Variants in SPRED1 observed in about 807,000 individuals in gnomAD.
SPRED1 encodes sprouty related EVH1 domain containing 1.
SPRED1 carries 18 observed loss-of-function variants against 52.3 expected under a neutral mutation model. That is an observed-to-expected ratio of 0.34 (90% CI 0.24 to 0.51). The LOEUF (loss-of-function observed/expected upper bound fraction) is 0.51, where lower values mean the gene tolerates loss of function less well. Among genes scored for constraint, SPRED1 ranks in the 20% least tolerant of loss-of-function variants. The probability of loss-of-function intolerance (pLI) is 0.97; values close to 1 mark genes in which losing one functional copy is unlikely to be tolerated. For missense variants in SPRED1, 485 were observed against 551.0 expected (o/e 0.88, Z 1.20); for synonymous variants, 155 against 179.7 (o/e 0.86, Z 1.10).
chr15:38,307,673 A>G (rs1000695181), intron 2 of SPRED1, among the ~76,000 whole-genome samples: 1 of 152,056 alleles, frequency 6.6e-6, no homozygotes, highest in Admixed American at 6.6e-5. Context: ...TTGTCTGTTG[A>G]TTGTTAGTTG....
chr15:38,322,172 T>G (rs1183241164), intron 2 of SPRED1, 69 bp from the exon 3 acceptor site: 3 of 1,457,200 alleles, frequency 2.1e-6, no homozygotes, highest in Non-Finnish European at 2.9e-6. Flanking sequence ...CACCTCAGTT[T>G]GTATTTATGA....
chr15:38,285,836 A>G (rs10852016), intron 1 of SPRED1, among the ~76,000 whole-genome samples: 125,600 of 152,188 alleles, frequency 0.83, 52,587 homozygotes, highest in Non-Finnish European at 0.9. Flanking sequence ...TTTAAACTCA[A>G]TTTCCAATAA....
rs1442783307 is a variant in SPRED1, at chr15:38,351,633, G to A, written c.1304G>A (p.Cys435Tyr). ...MCHRCGEACG[C>Y]CGGKHKAAG is the part of the protein sequence containing the mutation. ...CATCGCTGTGGTGAGGCATGTGGTT[G>A]CTGTGGTGGGAAACATAAAGCTGCT... Residue 435 changes from cysteine to tyrosine, a missense_variant, in exon 7 of 7, where the codon TGC becomes TAC. Physicochemically the swap from Cys to Tyr is radical, Grantham distance 194 (BLOSUM62 -2). This residue lies in a region of SPRED1 where 205 missense variants were observed against 245.2 expected (regional missense o/e 0.84). Coordinates refer to ENST00000299084, the MANE Select transcript of SPRED1 (RefSeq NM_152594.3). 24 of 1,613,588 alleles carry A rather than the reference G, an allele frequency of 1.5e-5. No individual in the cohort carries two copies. The South Asian group carries it at 2.3e-4, about 15-fold the overall frequency.
In SPRED1 at chr15:38,254,510, TA is replaced by T. The variant is rs942734769; in HGVS notation, c.32+1301del. Among the ~76,000 whole-genome samples the T allele has an allele frequency of 1.2e-4, 19 of 152,030 alleles. No homozygotes were observed. The East Asian group carries it at 1.7e-3, about 14-fold the overall frequency. On this transcript the variant is annotated intron_variant, in intron 1 of 6. Coordinates refer to ENST00000299084, the MANE Select transcript of SPRED1 (RefSeq NM_152594.3). Reference sequence around the variant, plus strand: ...ATTTGCATAGCACACTCTTCATTCATAAAAAAAATAATTAAACATCCATCAC... The same window carrying T: ...ATTTGCATAGCACACTCTTCATTCATAAAAAAATAATTAAACATCCATCAC...
intron 2 of SPRED1, among the ~76,000 whole-genome samples, chr15:38,313,612 C>T (rs1223371013): frequency 6.6e-6 from 1 of 151,174 alleles, no homozygotes. Flanking sequence ...TTATCCGTTA[C>T]ATTATATTAT....
Position 38,339,791 on chromosome 15 carries a change from G to A in SPRED1, c.478G>A (p.Glu160Lys). The change falls in exon 5 of 7, where the codon GAG becomes AAG. Residue 160 changes from glutamate to lysine, a missense_variant. Around this residue, in one of 5 missense-constraint regions of SPRED1, gnomAD observed 232 missense variants for 231.8 expected, o/e 1.00. Coordinates refer to ENST00000299084, the MANE Select transcript of SPRED1 (RefSeq NM_152594.3). Reference protein sequence around the residue: ...SLVKDHLFQQETVVTSEPYRS... With the variant: ...SLVKDHLFQQKTVVTSEPYRS... Reference sequence around the variant, plus strand: ...AGTGAAGGATCACCTTTTTCAGCAAGAGACAGTTGTTACCAGTGAGCCTTA... The same window carrying A: ...AGTGAAGGATCACCTTTTTCAGCAAAAGACAGTTGTTACCAGTGAGCCTTA... 1 of 1,613,962 alleles carries A rather than the reference G, an allele frequency of 6.2e-7. No homozygotes were observed. The highest frequency in any genetic ancestry group is 8.5e-7 in the Non-Finnish European group (1 of 1,179,924).
intron 1 of SPRED1, among the ~76,000 whole-genome samples, chr15:38,262,065 T>G (rs1259790134): frequency 2.0e-5 from 3 of 151,228 alleles, no homozygotes; most frequent in Non-Finnish European, 2.9e-5. Context: ...GTTCTGGGGT[T>G]TCCCCCCTTA....
At chr15:38,297,293 T>A (rs1340769265) in intron 1 of SPRED1, among the ~76,000 whole-genome samples, 1 of 152,214 alleles carries the variant, frequency 6.6e-6, no homozygotes, top group Non-Finnish European at 1.5e-5. Flanking sequence ...AGGTTTTTAA[T>A]AAAGAAGGAA....
chr15:38,299,870 T>G (rs1386146308), intron 2 of SPRED1, among the ~76,000 whole-genome samples: 1 of 152,186 alleles, frequency 6.6e-6, no homozygotes, highest in Admixed American at 6.5e-5. Flanking sequence ...ATTGGCAAAC[T>G]AATCCACAGG....
chr15:38,328,325 CATTA>C (rs1203363028), intron 4 of SPRED1, among the ~76,000 whole-genome samples: 2 of 152,174 alleles, frequency 1.3e-5, no homozygotes, highest in African/African-American at 2.4e-5. Flanking sequence ...TTTGGATGTT[CATTA>C]ATTAATTCAA....
At chr15:38,296,970 A>G (rs935331619) in intron 1 of SPRED1, among the ~76,000 whole-genome samples, 1 of 152,090 alleles carries the variant, frequency 6.6e-6, no homozygotes, top group Non-Finnish European at 1.5e-5. Context: ...ACCTTCTGCC[A>G]TGTAAGGACA....
chr15:38,293,529 G>A (rs1894967622), intron 1 of SPRED1, among the ~76,000 whole-genome samples: 1 of 152,110 alleles, frequency 6.6e-6, no homozygotes, highest in Admixed American at 6.6e-5. Context: ...ACAGATCTTC[G>A]TCTTTCTAAT....
intron 5 of SPRED1, among the ~76,000 whole-genome samples, chr15:38,347,423 T>C (rs201044106): frequency 6.0e-5 from 9 of 150,728 alleles, no homozygotes; most frequent in African/African-American, 2.2e-4. Flanking sequence ...ACTTAATATT[T>C]GTAGAGAAAG....
At chr15:38,321,117 CAAGTGTGTATTA>C (rs1480066042) in intron 2 of SPRED1, among the ~76,000 whole-genome samples, 2 of 152,088 alleles carry the variant, frequency 1.3e-5, no homozygotes, top group African/African-American at 4.8e-5. Flanking sequence ...GAAATATACT[CAAGTGTGTATTA>C]AAGAGCAGTA....
At chr15:38,274,670 G>A (rs1435688942) in intron 1 of SPRED1, among the ~76,000 whole-genome samples, 1 of 152,136 alleles carries the variant, frequency 6.6e-6, no homozygotes, top group African/African-American at 2.4e-5. Context: ...TTCCACTAAT[G>A]TCCTTTTTCC....
intron 1 of SPRED1, among the ~76,000 whole-genome samples, chr15:38,283,979 T>G (rs144318368): frequency 1.8e-3 from 278 of 152,320 alleles, no homozygotes; most frequent in Non-Finnish European, 3.1e-3. Flanking sequence ...TAGATAGTTT[T>G]CTTTGTCCAT....
chr15:38,356,489 A>G lies in SPRED1; in HGVS notation c.*4825A>G, dbSNP rs1358114370. The stretch of plus-strand genomic sequence containing the variant: ...TTTTCTTATTCTCCTAGAGCTTATC[A>G]AATTATCACATAAGAGATAATTACT... On this transcript the variant is annotated 3_prime_UTR_variant, in exon 7 of 7. Coordinates refer to ENST00000299084, the MANE Select transcript of SPRED1 (RefSeq NM_152594.3). The G allele has an allele frequency of 6.6e-6, 1 of 152,112 alleles. No homozygotes were observed. The highest frequency in any genetic ancestry group is 1.5e-5 in the Non-Finnish European group (1 of 67,962). 9.4% of individuals were successfully genotyped at this position (152,112 alleles called of 1,614,324 possible).
At chr15:38,321,837 C>T (rs529648082) in intron 2 of SPRED1, among the ~76,000 whole-genome samples, 49 of 152,182 alleles carry the variant, frequency 3.2e-4, no homozygotes, top group Admixed American at 6.5e-4. Context: ...TCAAGTGATC[C>T]GCCCGCCTCG....
At position 38,265,086 on chromosome 15, in the gene SPRED1, CAA is replaced by C. The variant is rs1342287003; in HGVS notation, c.32+11871_32+11872del. Reference sequence around the variant, plus strand: ...CTTAATGTGGTTAGAGAAGCCCTTTCAAATAAAAATTTACTAATTTAAATTTT... The same window carrying C: ...CTTAATGTGGTTAGAGAAGCCCTTTCATAAAAATTTACTAATTTAAATTTT... On this transcript the variant is annotated intron_variant, in intron 1 of 6. Coordinates refer to ENST00000299084, the MANE Select transcript of SPRED1 (RefSeq NM_152594.3). 4.6e-5 allele frequency among the ~76,000 whole-genome samples: 7 copies of C among 152,238 alleles called. No individual in the cohort carries two copies. The South Asian group carries it at 1.2e-3, about 27-fold the overall frequency.
Sources: allele counts gnomAD v4.1 joint callset (sites outside exome capture counted in the v4.1 genomes callset), GRCh38; gene constraint gnomAD v4.1.1; regional missense constraint gnomAD v4.1.1; transcripts MANE v1.5; gene names NCBI Gene and HGNC (gene_info 2026-07-23, HGNC 2026-07-21).